TXNDC16: variants seen among roughly 807,000 people sequenced by gnomAD.
The protein encoded by TXNDC16 is thioredoxin domain-containing protein 16.
A neutral mutation model predicts 85.6 loss-of-function variants in TXNDC16; 74 were observed. That is an observed-to-expected ratio of 0.86 (90% CI 0.72 to 1.05). The LOEUF is 1.05. Ranked by LOEUF, TXNDC16 falls within the 50% of genes least tolerant of loss-of-function variation. The probability of loss-of-function intolerance (pLI) is 0.00; values close to 1 mark genes in which losing one functional copy is unlikely to be tolerated. For synonymous variants in TXNDC16, 335 were observed against 326.5 expected (o/e 1.03, Z -0.28); for missense variants, 959 against 947.0 (o/e 1.01, Z -0.17).
At chr14:52,528,400 A>C (rs955960427) in intron 6 of TXNDC16, among the ~76,000 whole-genome samples, 2 of 152,156 alleles carry the variant, frequency 1.3e-5, no homozygotes, top group African/African-American at 4.8e-5. Flanking sequence ...CTCCTTATTA[A>C]GAATTAGGCT....
At chr14:52,532,091 A>C (rs2140216293) in intron 6 of TXNDC16, among the ~76,000 whole-genome samples, 1 of 152,314 alleles carries the variant, frequency 6.6e-6, no homozygotes, top group Admixed American at 6.5e-5. Flanking sequence ...GAAAAAATAA[A>C]TTTGACCACA....
rs761386894 is a variant in TXNDC16, at chr14:52,455,481, T to C, written c.1704-19A>G. ...GGTTGACCTATGGAGAAAGGCAGTA[T>C]TAAAATTCACGATCAAAATCTAGCA... On this transcript the variant is annotated intron_variant, in intron 17 of 20. Coordinates refer to ENST00000281741, the MANE Select transcript of TXNDC16 (RefSeq NM_020784.3). 2.5e-6 allele frequency: 4 copies of C among 1,612,750 alleles called. No homozygotes were observed. In the South Asian group the frequency reaches 3.3e-5, roughly 13 times the overall value.
At chr14:52,450,491 C>T (rs12588673) in intron 18 of TXNDC16, among the ~76,000 whole-genome samples, 14,323 of 149,164 alleles carry the variant, frequency 0.096, 790 homozygotes, top group East Asian at 0.18. Flanking sequence ...CCAATGGCTT[C>T]ACTGCTGAAT....
intron 14 of TXNDC16, among the ~76,000 whole-genome samples, chr14:52,479,303 G>A (rs2036091381): frequency 6.6e-6 from 1 of 152,092 alleles, no homozygotes; most frequent in Non-Finnish European, 1.5e-5. Context: ...AGTACTGAAA[G>A]TCCTAGCCAG....
intron 6 of TXNDC16, among the ~76,000 whole-genome samples, chr14:52,523,527 G>T (rs1182957563): frequency 6.6e-6 from 1 of 152,128 alleles, no homozygotes. Context: ...AAGACAGAGA[G>T]AAATAAATTA....
At chr14:52,525,699 A>AAAC (rs2037314934) in intron 6 of TXNDC16, among the ~76,000 whole-genome samples, 1 of 121,340 alleles carries the variant, frequency 8.2e-6, no homozygotes, top group Non-Finnish European at 1.8e-5. Context: ...CTCCATCTCA[A>AAAC]AATAATAATA....
At chr14:52,525,998 T>A (rs1250986965) in intron 6 of TXNDC16, among the ~76,000 whole-genome samples, 1 of 152,112 alleles carries the variant, frequency 6.6e-6, no homozygotes, top group Non-Finnish European at 1.5e-5. Context: ...TTTTTTTTAC[T>A]GTTGTATTGT....
At chr14:52,487,762 A>G (rs1386666504) in intron 12 of TXNDC16, among the ~76,000 whole-genome samples, 2 of 152,228 alleles carry the variant, frequency 1.3e-5, no homozygotes, top group African/African-American at 2.4e-5. Context: ...GGAAATGCAG[A>G]CTCTTCATGT....
At chr14:52,550,184 A>G (rs1399176528) in intron 1 of TXNDC16, among the ~76,000 whole-genome samples, 2 of 152,232 alleles carry the variant, frequency 1.3e-5, no homozygotes, top group African/African-American at 2.4e-5. Flanking sequence ...ACTATTAAAT[A>G]AATTGTAGCA....
intron 20 of TXNDC16, among the ~76,000 whole-genome samples, chr14:52,435,350 A>G (rs2035002280): frequency 6.7e-6 from 1 of 149,374 alleles, no homozygotes; most frequent in South Asian, 2.1e-4. Context: ...ACTCTGTGTC[A>G]CTGCAGCTAC....
intron 18 of TXNDC16, among the ~76,000 whole-genome samples, chr14:52,444,051 T>C (rs1173732633): frequency 6.6e-6 from 1 of 152,040 alleles, no homozygotes; most frequent in Admixed American, 6.6e-5. Context: ...GATGGTCAGA[T>C]GGACAAAAGA....
chr14:52,442,737 T>C (rs1365657358), intron 18 of TXNDC16, among the ~76,000 whole-genome samples: 1 of 152,068 alleles, frequency 6.6e-6, no homozygotes, highest in Admixed American at 6.6e-5. Context: ...TCCTAAATAT[T>C]GACAGATCTT....
intron 9 of TXNDC16, among the ~76,000 whole-genome samples, chr14:52,501,523 C>A (rs1365821841): frequency 6.6e-6 from 1 of 152,120 alleles, no homozygotes; most frequent in Non-Finnish European, 1.5e-5. Context: ...CATGATTAAA[C>A]CCCAAGGGCT....
chr14:52,470,832 C>G, intron 14 of TXNDC16, 152 bp from the exon 15 acceptor site: 1 of 669,814 alleles, frequency 1.5e-6, no homozygotes, highest in South Asian at 2.7e-5. Context: ...CTTTGCAACA[C>G]CATTCCCTGT....
chr14:52,497,315 G>A (rs1215225227), intron 9 of TXNDC16, among the ~76,000 whole-genome samples: 2 of 152,006 alleles, frequency 1.3e-5, no homozygotes, highest in African/African-American at 4.8e-5. Context: ...GAACTAGTAA[G>A]AAAATTAAAT....
chr14:52,514,752 C>A, intron 8 of TXNDC16, 128 bp downstream of exon 8: 1 of 634,732 alleles, frequency 1.6e-6, no homozygotes. Context: ...TTTATATATT[C>A]ACATCTGCTA....
At chr14:52,434,711 C>G (rs1436232904) in intron 20 of TXNDC16, among the ~76,000 whole-genome samples, 1 of 152,212 alleles carries the variant, frequency 6.6e-6, no homozygotes, top group Non-Finnish European at 1.5e-5. Context: ...AACCCCATCT[C>G]AGAACACCAC....
At chr14:52,494,405 A>T (rs1019075349) in intron 9 of TXNDC16, among the ~76,000 whole-genome samples, 9 of 152,202 alleles carry the variant, frequency 5.9e-5, no homozygotes, top group African/African-American at 1.9e-4. Context: ...GCTTGAGAGC[A>T]GCCTGTAGGA....
chr14:52,487,162 T>G (rs952728163), intron 12 of TXNDC16, among the ~76,000 whole-genome samples: 40 of 152,104 alleles, frequency 2.6e-4, no homozygotes, highest in Non-Finnish European at 1.5e-4. Context: ...ATTACAGGAA[T>G]AAGCAGGAAA....
Sources: allele counts gnomAD v4.1 joint callset (sites outside exome capture counted in the v4.1 genomes callset), GRCh38; gene constraint gnomAD v4.1.1; transcripts MANE v1.5; gene names NCBI Gene and HGNC (gene_info 2026-07-23, HGNC 2026-07-21).